Variants in PRPS1 observed in about 807,000 individuals in gnomAD.
The protein encoded by PRPS1 is phosphoribosyl pyrophosphate synthetase 1, also known as ribose-phosphate pyrophosphokinase 1.
In PRPS1, 1 loss-of-function variant was observed where a neutral mutation model predicts 16.9. That is an observed-to-expected ratio of 0.06 (90% CI 0.02 to 0.28). The LOEUF (loss-of-function observed/expected upper bound fraction) is 0.28. PRPS1 is among the 10% of genes least tolerant of loss of function. The probability of loss-of-function intolerance (pLI) is 1.00; values close to 1 mark genes in which losing one functional copy is unlikely to be tolerated. For missense variants in PRPS1, 47 were observed against 254.0 expected (o/e 0.19, Z 5.54); for synonymous variants, 70 against 90.2 (o/e 0.78, Z 1.27).
At chrX:107,632,286 G>A (rs1925323525) in intron 1 of PRPS1, among the ~76,000 whole-genome samples, 1 of 112,261 alleles carries the variant, frequency 8.9e-6, no homozygotes, top group Non-Finnish European at 1.9e-5. Flanking sequence ...TGGTTATTCT[G>A]TACTAGCTGA....
chrX:107,637,844 A>T (rs1381639758), intron 1 of PRPS1, among the ~76,000 whole-genome samples: 2 of 109,403 alleles, frequency 1.8e-5, no homozygotes, highest in Non-Finnish European at 1.9e-5. Context: ...CTTATTGTCT[A>T]TAGAAGTATA....
Position 107,650,937 on chromosome X carries a change from G to C in PRPS1, c.*905G>C. Reference sequence around the variant, plus strand: ...CATCTTCCTTCTTTGGATCTATTTGGCCTCTCAAATGAACTGAGATTCCTG... The same window carrying C: ...CATCTTCCTTCTTTGGATCTATTTGCCCTCTCAAATGAACTGAGATTCCTG... On this transcript the variant is annotated 3_prime_UTR_variant, in exon 7 of 7. Coordinates refer to ENST00000372435, the MANE Select transcript of PRPS1 (RefSeq NM_002764.4). 1 of 244,932 alleles carries C rather than the reference G, an allele frequency of 4.1e-6. No individual in the cohort carries two copies. The allele number at this position is 244,932 out of a possible 1,213,427, so 20.2% of individuals were successfully genotyped here. A position where few individuals can be genotyped will look rare whatever the true frequency, so the allele number is the denominator to read the frequency against.
At chrX:107,644,493 C>T (rs1245227034) in intron 4 of PRPS1, among the ~76,000 whole-genome samples, 13 of 111,959 alleles carry the variant, frequency 1.2e-4, no homozygotes, top group Non-Finnish European at 5.6e-5. Flanking sequence ...AGTCTGTGTA[C>T]TCCTGGCATT....
chrX:107,639,599 G>T (rs902859863), intron 2 of PRPS1, 121 bp downstream of exon 2: 4 of 704,633 alleles, frequency 5.7e-6, no homozygotes, highest in Non-Finnish European at 8.6e-6. Context: ...CCTTTTCTTA[G>T]GTATTACCCT....
At chrX:107,630,442 A>G (rs1275753834) in intron 1 of PRPS1, among the ~76,000 whole-genome samples, 3 of 111,873 alleles carry the variant, frequency 2.7e-5, no homozygotes, top group African/African-American at 9.8e-5. Flanking sequence ...AGGACAACTT[A>G]GTTTTCTACT....
chrX:107,638,404 C>G (rs1925491901), intron 1 of PRPS1, among the ~76,000 whole-genome samples: 2 of 111,210 alleles, frequency 1.8e-5, no homozygotes, highest in Admixed American at 1.9e-4. Context: ...CCACCACACC[C>G]TGACTAATTT....
chrX:107,649,401 A>G (rs918759552), intron 6 of PRPS1, among the ~76,000 whole-genome samples: 2 of 105,681 alleles, frequency 1.9e-5, no homozygotes, highest in African/African-American at 7.0e-5. Context: ...TGATGAACCA[A>G]AGTCAGCGTT....
chrX:107,628,753 A>G lies in PRPS1; in HGVS notation c.122+3A>G. ...AAATTCAGCAACCAGGAGACCTGGT[A>G]AGGACCAAGTTGGGACCCTGACTAG... On this transcript the variant is annotated splice_donor_region_variant and intron_variant, in intron 1 of 6. Transcript: ENST00000372435. The G allele has an allele frequency of 8.3e-7, 1 of 1,211,210 alleles. No homozygotes were observed. The highest frequency in any genetic ancestry group is 3.0e-5 in the East Asian group (1 of 33,820).
chrX:107,644,064 G>T lies in PRPS1; in HGVS notation c.531-1113G>T, dbSNP rs776083678. 2.7e-5 allele frequency among the ~76,000 whole-genome samples: 3 copies of T among 112,344 alleles called. No homozygotes were observed. In the East Asian group the frequency reaches 8.4e-4, roughly 31 times the overall value. On this transcript the variant is annotated intron_variant, in intron 4 of 6. Transcript: ENST00000372435. The stretch of plus-strand genomic sequence containing the variant: ...ATGGCACAGCGGAGCATGGACAGAC[G>T]TGCCACTGGGGCAGCTCACTGTCAT...
At chrX:107,632,871 T>C (rs1925338334) in intron 1 of PRPS1, among the ~76,000 whole-genome samples, 1 of 112,168 alleles carries the variant, frequency 8.9e-6, no homozygotes, top group African/African-American at 3.2e-5. Flanking sequence ...CTGTATGTTA[T>C]AGTACTACTA....
At position 107,649,518 on chromosome X, in the gene PRPS1, G is replaced by A. The variant is rs185219611; in HGVS notation, c.865-422G>A. 8.5e-4 allele frequency among the ~76,000 whole-genome samples: 96 copies of A among 112,423 alleles called. 1 individual carries two copies. The highest frequency in any genetic ancestry group is 3.8e-4 in the Non-Finnish European group (20 of 53,199). Reference sequence around the variant, plus strand: ...CACCCAGGCTGGAGTGCAGTGGCACGATCTTGGCTCACCGCAACCTCCACC... The same window carrying A: ...CACCCAGGCTGGAGTGCAGTGGCACAATCTTGGCTCACCGCAACCTCCACC... On this transcript the variant is annotated intron_variant, in intron 6 of 6. Transcript: ENST00000372435.
At chrX:107,647,933 C>CT (rs370171661) in intron 6 of PRPS1, among the ~76,000 whole-genome samples, 168 bp downstream of exon 6, 28 of 105,013 alleles carry the variant, frequency 2.7e-4, no homozygotes, top group Admixed American at 6.2e-4. Flanking sequence ...GTTTCTTTTC[C>CT]TTTTTTTTTT....
At chrX:107,630,545 T>C (rs931673937) in intron 1 of PRPS1, among the ~76,000 whole-genome samples, 3 of 111,980 alleles carry the variant, frequency 2.7e-5, no homozygotes. Context: ...TTCCTAGATA[T>C]TCTGAAATCT....
intron 1 of PRPS1, among the ~76,000 whole-genome samples, chrX:107,634,897 T>C (rs1443164857): frequency 9.4e-6 from 1 of 106,207 alleles, no homozygotes; most frequent in African/African-American, 3.5e-5. Flanking sequence ...TGGAGTGCAA[T>C]GACTTGATCT....
intron 4 of PRPS1, among the ~76,000 whole-genome samples, chrX:107,644,939 C>T (rs1406448944): frequency 1.8e-5 from 2 of 111,101 alleles, no homozygotes; most frequent in Non-Finnish European, 3.8e-5. Context: ...CTCAGCCTCC[C>T]GAGTAGCTGG....
intron 6 of PRPS1, among the ~76,000 whole-genome samples, chrX:107,649,187 C>T (rs781225817): frequency 1.4e-4 from 16 of 111,153 alleles, no homozygotes; most frequent in South Asian, 7.6e-4. Context: ...CAGGCTCAAG[C>T]GATCCTCCTG....
At chrX:107,641,678 C>G (rs1409821171) in intron 3 of PRPS1, among the ~76,000 whole-genome samples, 1 of 111,871 alleles carries the variant, frequency 8.9e-6, no homozygotes, top group Non-Finnish European at 1.9e-5. Context: ...AAATTTAGAG[C>G]CACAGATATT....
chrX:107,630,956 A>G (rs1925296145), intron 1 of PRPS1, among the ~76,000 whole-genome samples: 1 of 111,970 alleles, frequency 8.9e-6, no homozygotes, highest in African/African-American at 3.2e-5. Context: ...ACAACAGTAA[A>G]TGTTGACAAG....
chrX:107,643,917 C>A (rs1186907375), intron 4 of PRPS1, among the ~76,000 whole-genome samples: 1 of 111,512 alleles, frequency 9.0e-6, no homozygotes, highest in African/African-American at 3.3e-5. Context: ...TCTCACTTAT[C>A]CAGCAAAAAC....
Sources: gnomAD v4.1 joint callset for allele counts (sites outside exome capture counted in the v4.1 genomes callset) on GRCh38, gnomAD v4.1.1 for gene constraint, MANE v1.5 for transcripts, NCBI Gene and HGNC (gene_info 2026-07-23, HGNC 2026-07-21) for gene names.